The following NCAM2 variants were observed in gnomAD, a reference collection of about 807,000 sequenced individuals.
NCAM2 encodes the protein N-CAM-2.
Under a neutral mutation model 98.1 loss-of-function variants are expected in NCAM2, and 30 were observed. The ratio of observed to expected loss-of-function variants is 0.31; its 90% CI spans 0.23 to 0.41. The LOEUF (loss-of-function observed/expected upper bound fraction) is 0.41. NCAM2 is among the 10% of genes least tolerant of loss of function. The pLI, the probability that NCAM2 is intolerant of heterozygous loss-of-function variation, is 1.00. For synonymous variants in NCAM2, 368 were observed against 342.4 expected, an observed-to-expected ratio of 1.07 and a Z score of -0.83; for missense variants, 867 against 1,005.8, an observed-to-expected ratio of 0.86 and a Z score of 1.87.
At chr21:21,272,226 T>C (rs1294521722) in intron 1 of NCAM2, among the ~76,000 whole-genome samples, 2 of 152,178 alleles carry the variant, frequency 1.3e-5, no homozygotes, top group African/African-American at 4.8e-5. Context: ...CATTTTAATG[T>C]GTGCTGCAAT....
At chr21:21,090,916 A>C (rs1414812872) in intron 1 of NCAM2, among the ~76,000 whole-genome samples, 3 of 152,146 alleles carry the variant, frequency 2.0e-5, no homozygotes, top group African/African-American at 7.2e-5. Context: ...AAATCAATAG[A>C]CCACAACCCC....
chr21:21,417,027 C>CA (rs2077008495), intron 10 of NCAM2, among the ~76,000 whole-genome samples: 1 of 151,946 alleles, frequency 6.6e-6, no homozygotes, highest in East Asian at 1.9e-4. Flanking sequence ...GGAACAACAA[C>CA]AAAAAAATGA....
intron 1 of NCAM2, among the ~76,000 whole-genome samples, chr21:21,042,190 G>A (rs2064919681): frequency 6.6e-6 from 1 of 151,980 alleles, no homozygotes; most frequent in Non-Finnish European, 1.5e-5. Context: ...TGCTTTCTGG[G>A]GTGAGTGAGG....
chr21:21,194,496 C>A (rs2068936719), intron 1 of NCAM2, among the ~76,000 whole-genome samples: 1 of 152,068 alleles, frequency 6.6e-6, no homozygotes, highest in Non-Finnish European at 1.5e-5. Flanking sequence ...AGGTAGTTTA[C>A]ACTAGTAAGG....
chr21:21,511,083 G>A (rs233786), intron 16 of NCAM2, among the ~76,000 whole-genome samples: 99,536 of 151,752 alleles, frequency 0.66, 33,145 homozygotes, highest in African/African-American at 0.76. Context: ...TGTGGTATCT[G>A]TCACTTCAAA....
chr21:21,217,151 ACAGT>A (rs781025640), intron 1 of NCAM2, among the ~76,000 whole-genome samples: 21 of 152,302 alleles, frequency 1.4e-4, no homozygotes, highest in Admixed American at 2.6e-4. Context: ...GGTATGTGAG[ACAGT>A]CAGACAAGAA....
chr21:21,363,848 C>T (rs1327569100), intron 8 of NCAM2, among the ~76,000 whole-genome samples: 1 of 152,042 alleles, frequency 6.6e-6, no homozygotes, highest in Non-Finnish European at 1.5e-5. Flanking sequence ...AAAAGCGTAA[C>T]ATTTTATCAA....
rs11268201 is a variant in NCAM2, at chr21:21,214,746, T to TATATATATATATATATACAC, written c.56-65831_56-65830insTATATATATATATATACACA. On this transcript the variant is annotated intron_variant, in intron 1 of 17. Transcript: ENST00000400546. ...CCATATATATATATATATATATATA[T>TATATATATATATATATACAC]ACACTATATATACACATATATGTAA... Among the ~76,000 whole-genome samples the TATATATATATATATATACAC allele has an allele frequency of 5.6e-3, 564 of 100,474 alleles. 10 individuals are homozygous for TATATATATATATATATACAC. The highest frequency in any genetic ancestry group is 0.032 in the East Asian group (116 of 3,650). The allele number at this position is 100,474 out of a possible 152,430, so 65.9% of individuals were successfully genotyped here. A position where few individuals can be genotyped will look rare whatever the true frequency, so the allele number is the denominator to read the frequency against.
At chr21:21,440,847 A>G (rs232411) in intron 12 of NCAM2, among the ~76,000 whole-genome samples, 60,935 of 151,816 alleles carry the variant, frequency 0.4, 12,428 homozygotes, top group South Asian at 0.5. Context: ...TAAAAGCTAC[A>G]TGTACTTACC....
chr21:21,542,102 T>C lies in NCAM2; in HGVS notation c.*4145T>C, dbSNP rs1402752273. 2 of 151,908 alleles carry C rather than the reference T, an allele frequency of 1.3e-5. No homozygotes were observed. Among genetic ancestry groups the C allele is most frequent in the African/African-American group, 4.8e-5 (2 of 41,434 alleles). The allele number at this position is 151,908 out of a possible 1,614,324, so 9.4% of individuals were successfully genotyped here. On this transcript the variant is annotated 3_prime_UTR_variant, in exon 18 of 18. Transcript: ENST00000400546. ...GTAAAATTTTCAAGAAAGTATTTTATTCATGGACTTAATAATGTCTTAAGA... is the reference window on the plus strand; with the variant it reads ...GTAAAATTTTCAAGAAAGTATTTTACTCATGGACTTAATAATGTCTTAAGA...
intron 12 of NCAM2, among the ~76,000 whole-genome samples, chr21:21,443,575 T>TGACA (rs1979642782): frequency 6.6e-6 from 1 of 152,262 alleles, no homozygotes; most frequent in Admixed American, 6.5e-5. Context: ...CATGAATCAA[T>TGACA]GACAGGTATT....
chr21:21,187,459 C>A (rs556668554), intron 1 of NCAM2, among the ~76,000 whole-genome samples: 146 of 150,958 alleles, frequency 9.7e-4, no homozygotes, highest in East Asian at 1.6e-3. Flanking sequence ...ACAACAACAA[C>A]AACAAAAAAG....
At position 21,292,104 on chromosome 21, in the gene NCAM2, A is replaced by T. The variant is rs762586053; in HGVS notation, c.482A>T (p.Asn161Ile). The T allele has an allele frequency of 1.9e-6, 3 of 1,608,296 alleles. No homozygotes were observed. The highest frequency in any genetic ancestry group is 1.7e-6 in the Non-Finnish European group (2 of 1,177,166). The change falls in exon 5 of 18, where the codon AAT becomes ATT. Residue 161 changes from asparagine to isoleucine, a missense_variant and splice_region_variant. Asn to Ile is a moderately radical substitution (Grantham distance 149, BLOSUM62 -3). Around this residue, in one of 5 missense-constraint regions of NCAM2, gnomAD observed 447 missense variants for 495.7 expected, o/e 0.90. Coordinates refer to ENST00000400546, the MANE Select transcript of NCAM2 (RefSeq NM_004540.5). ...TTTCTCCCCTTTGCTTTCTTTCCAG[A>T]TCGGTTCGCTATGTTAGCAAACAAT... ...HNEEVTTISD[N>I]RFAMLANNNL... is the part of the protein sequence containing the mutation.
intron 5 of NCAM2, among the ~76,000 whole-genome samples, chr21:21,304,037 A>G (rs148470458): frequency 1.3e-5 from 2 of 152,286 alleles, no homozygotes; most frequent in East Asian, 3.9e-4. Flanking sequence ...TGTGATTTAG[A>G]AATATTTTTA....
chr21:21,056,704 A>G (rs994468915), intron 1 of NCAM2, among the ~76,000 whole-genome samples: 7 of 152,124 alleles, frequency 4.6e-5, no homozygotes, highest in South Asian at 2.1e-4. Flanking sequence ...TTCTTCCATC[A>G]TGGAGTACAA....
At position 21,394,469 on chromosome 21, in the gene NCAM2, C is replaced by CTTTTTTTTTTTTTTTTTTTTTTTT. The variant is rs532068473; in HGVS notation, c.1196-15791_1196-15768dup. On this transcript the variant is annotated intron_variant, in intron 9 of 17. Transcript: ENST00000400546. The stretch of plus-strand genomic sequence containing the variant: ...GACCTTAGTTAATTTAAGGGGCCAG[C>CTTTTTTTTTTTTTTTTTTTTTTTT]TTTTTTTTTTTTTTTTTTTTTTTTT... Among the ~76,000 whole-genome samples, 19 of 57,672 alleles carry CTTTTTTTTTTTTTTTTTTTTTTTT rather than the reference C, an allele frequency of 3.3e-4. 2 individuals are homozygous for CTTTTTTTTTTTTTTTTTTTTTTTT. The highest frequency in any genetic ancestry group is 5.3e-4 in the Admixed American group (2 of 3,740). 37.8% of individuals were successfully genotyped at this position (57,672 alleles called of 152,430 possible). A position where few individuals can be genotyped will look rare whatever the true frequency, so the allele number is the denominator to read the frequency against.
chr21:21,477,185 C>T, intron 14 of NCAM2, 106 bp from the exon 15 acceptor site: 1 of 812,508 alleles, frequency 1.2e-6, no homozygotes, highest in Non-Finnish European at 1.8e-6. Flanking sequence ...AAAATTGTTC[C>T]AATATCCAAT....
intron 11 of NCAM2, 90 bp from the exon 12 acceptor site, chr21:21,432,018 T>C: frequency 1.7e-6 from 2 of 1,184,004 alleles, no homozygotes; most frequent in Non-Finnish European, 2.3e-6. Flanking sequence ...GCAGTTTTCC[T>C]TCACTCCTAG....
chr21:21,324,184 A>G (rs1033595582), intron 5 of NCAM2, among the ~76,000 whole-genome samples, 199 bp from the exon 6 acceptor site: 1 of 152,180 alleles, frequency 6.6e-6, no homozygotes, highest in South Asian at 2.1e-4. Flanking sequence ...CCTAGAACTT[A>G]AAGTATAATA....
Sources: gnomAD v4.1 joint callset for allele counts (sites outside exome capture counted in the v4.1 genomes callset) on GRCh38, gnomAD v4.1.1 for gene constraint, gnomAD v4.1.1 regional missense constraint, MANE v1.5 for transcripts, NCBI Gene and HGNC (gene_info 2026-07-23, HGNC 2026-07-21) for gene names.